The following CAMTA1 variants were observed in gnomAD, a reference collection of about 807,000 sequenced individuals.
The protein encoded by CAMTA1 is calmodulin-binding transcription activator 1.
CAMTA1 carries 27 observed loss-of-function variants against 170.9 expected under a neutral mutation model. That is an observed-to-expected ratio of 0.16 (90% CI 0.12 to 0.22). The LOEUF is 0.22. Ranked by LOEUF, CAMTA1 falls within the 10% of genes least tolerant of loss-of-function variation. The pLI is 1.00. For missense variants in CAMTA1, 1,619 were observed against 2,217.2 expected, an observed-to-expected ratio of 0.73 and a Z score of 5.42; for synonymous variants, 833 against 891.5, an observed-to-expected ratio of 0.93 and a Z score of 1.17.
At chr1:6,881,031 G>A (rs938737321) in intron 3 of CAMTA1, among the ~76,000 whole-genome samples, 1 of 152,148 alleles carries the variant, frequency 6.6e-6, no homozygotes, top group African/African-American at 2.4e-5. Flanking sequence ...AGTAGCTGCT[G>A]TCATTATCCC....
intron 3 of CAMTA1, among the ~76,000 whole-genome samples, chr1:7,027,357 C>T (rs1009392604): frequency 2.0e-5 from 3 of 152,046 alleles, no homozygotes; most frequent in African/African-American, 4.8e-5. Context: ...CAATTAAGGT[C>T]GAAGCCTGAA....
chr1:6,977,411 G>C (rs1693642686), intron 3 of CAMTA1, among the ~76,000 whole-genome samples: 1 of 151,970 alleles, frequency 6.6e-6, no homozygotes, highest in Non-Finnish European at 1.5e-5. Context: ...CGCAGTCTCG[G>C]CTCACTGCAA....
At position 7,555,318 on chromosome 1, in the gene CAMTA1, G is replaced by A. The variant is rs1038490823; in HGVS notation, c.511-85082G>A. Among the ~76,000 whole-genome samples the A allele has an allele frequency of 3.3e-5, 5 of 152,114 alleles. No homozygotes were observed. In the South Asian group the frequency reaches 1.0e-3, roughly 32 times the overall value. On this transcript the variant is annotated intron_variant, in intron 6 of 22. Transcript: ENST00000303635. The stretch of plus-strand genomic sequence containing the variant: ...CTCAAGCTTATTTGGGGGTGCATGT[G>A]GGTAGGACCCAGGAGGGCAGCTGGG...
At chr1:7,314,020 C>T (rs1677128806) in intron 5 of CAMTA1, among the ~76,000 whole-genome samples, 1 of 152,212 alleles carries the variant, frequency 6.6e-6, no homozygotes, top group African/African-American at 2.4e-5. Context: ...GGCCAGGCAA[C>T]CAACCCTAAA....
At chr1:7,090,065 G>A (rs10864273) in intron 3 of CAMTA1, among the ~76,000 whole-genome samples, 12,581 of 152,188 alleles carry the variant, frequency 0.083, 589 homozygotes, top group African/African-American at 0.12. Context: ...CCAGGCTTCC[G>A]GACAGAGGTG....
chr1:7,102,327 G>C (rs1642841491), intron 4 of CAMTA1, among the ~76,000 whole-genome samples: 2 of 152,116 alleles, frequency 1.3e-5, no homozygotes, highest in Non-Finnish European at 2.9e-5. Context: ...GGGAGGGGAG[G>C]GTCCTGCTCT....
chr1:7,731,769 C>T (rs932805438), intron 11 of CAMTA1, among the ~76,000 whole-genome samples: 3 of 151,500 alleles, frequency 2.0e-5, no homozygotes, highest in Admixed American at 1.3e-4. Flanking sequence ...TCCATCTGCT[C>T]GGGAGGCTGA....
intron 3 of CAMTA1, among the ~76,000 whole-genome samples, chr1:6,828,439 G>T (rs1284554427): frequency 6.6e-6 from 1 of 151,588 alleles, no homozygotes; most frequent in East Asian, 1.9e-4. Flanking sequence ...CTACAGGTGC[G>T]TGCCACCATG....
chr1:6,844,167 C>T (rs967747266), intron 3 of CAMTA1, among the ~76,000 whole-genome samples: 1 of 152,088 alleles, frequency 6.6e-6, no homozygotes, highest in Non-Finnish European at 1.5e-5. Flanking sequence ...ATTCTGTATA[C>T]AGGTTCAAAA....
rs777345650 is a variant in CAMTA1 at position 7,592,985 on chromosome 1, AG to A, written c.511-47414del. ...AGAGGCTTATTAAGGAATGTGTCCA[AG>A]TCCCACAGCATCTAGATGGTGGGAT... On this transcript the variant is annotated intron_variant, in intron 6 of 22. Coordinates refer to ENST00000303635, the MANE Select transcript of CAMTA1 (RefSeq NM_015215.4). The surrounding 1 kb of genome is among the most constrained non-coding windows in gnomAD (Gnocchi z 4.6). Among the ~76,000 whole-genome samples, 18 of 152,190 alleles carry A rather than the reference AG, an allele frequency of 1.2e-4. No homozygotes were observed. The highest frequency in any genetic ancestry group is 1.0e-4 in the Non-Finnish European group (7 of 68,026).
chr1:7,654,784 TACCCACACACCTATACACACACCCAC>T lies in CAMTA1; in HGVS notation c.665-6939_665-6914del, dbSNP rs1297466042. On this transcript the variant is annotated intron_variant, in intron 7 of 22. Transcript: ENST00000303635. ...ACACACCCACCTAAACACACACCTA[TACCCACACACCTATACACACACCCAC>T]ACACACCACACACACCCCTATACAC... Among the ~76,000 whole-genome samples, 123 of 110,242 alleles carry T rather than the reference TACCCACACACCTATACACACACCCAC, an allele frequency of 1.1e-3. 5 individuals are homozygous for T. Among genetic ancestry groups the T allele is most frequent in the Non-Finnish European group, 1.8e-3 (100 of 55,060 alleles). 72.3% of individuals were successfully genotyped at this position (110,242 alleles called of 152,430 possible). A position where few individuals can be genotyped will look rare whatever the true frequency, so the allele number is the denominator to read the frequency against.
chr1:7,672,874 G>T (rs1366506253), intron 10 of CAMTA1, among the ~76,000 whole-genome samples: 1 of 152,128 alleles, frequency 6.6e-6, no homozygotes, highest in East Asian at 1.9e-4. Context: ...CCCCCTGCTG[G>T]CCCAGCCCTC....
intron 3 of CAMTA1, among the ~76,000 whole-genome samples, chr1:6,849,126 G>GC (rs1659435956): frequency 6.6e-6 from 1 of 152,138 alleles, no homozygotes; most frequent in Non-Finnish European, 1.5e-5. Context: ...TGCTATAGTG[G>GC]CTTATTCTGG....
chr1:6,926,000 C>G (rs1187843597), intron 3 of CAMTA1, among the ~76,000 whole-genome samples: 2 of 152,232 alleles, frequency 1.3e-5, no homozygotes, highest in African/African-American at 4.8e-5. Context: ...TAATCTAAGT[C>G]ACAGCCACCA....
At chr1:6,893,138 C>T (rs909405741) in intron 3 of CAMTA1, among the ~76,000 whole-genome samples, 11 of 152,040 alleles carry the variant, frequency 7.2e-5, no homozygotes, top group African/African-American at 2.4e-4. Context: ...AAAAATTAGC[C>T]GGGCATGGTG....
chr1:7,197,679 A>G (rs1017820066), intron 4 of CAMTA1, among the ~76,000 whole-genome samples: 36 of 48,288 alleles, frequency 7.5e-4, no homozygotes, highest in Non-Finnish European at 1.8e-3. Flanking sequence ...CACACACACA[A>G]TCTACTTGCT....
In CAMTA1 at chr1:7,205,842, AT is replaced by A. The variant is rs573599856; in HGVS notation, c.303-43641del. ...TTTCTTCTAGTACTCGTATGGTTTC[AT>A]TTTTTTTCTTACATTTAATCTTTGA... On this transcript the variant is annotated intron_variant, in intron 4 of 22. Transcript: ENST00000303635. Among the ~76,000 whole-genome samples, 4 of 151,986 alleles carry A rather than the reference AT, an allele frequency of 2.6e-5. No homozygotes were observed. In the South Asian group the frequency reaches 6.2e-4, roughly 24 times the overall value.
intron 16 of CAMTA1, among the ~76,000 whole-genome samples, chr1:7,740,648 G>A (rs750005118): frequency 6.6e-6 from 1 of 152,202 alleles, no homozygotes; most frequent in Admixed American, 6.5e-5. Flanking sequence ...TCGGGCACTT[G>A]ATCAGCATGG....
chr1:7,733,032 G>GA (rs111993061), intron 12 of CAMTA1, among the ~76,000 whole-genome samples: 10 of 150,902 alleles, frequency 6.6e-5, no homozygotes, highest in South Asian at 4.2e-4. Context: ...TGTCTCTATA[G>GA]AAAAAAAAAA....
Sources: allele counts gnomAD v4.1 joint callset (sites outside exome capture counted in the v4.1 genomes callset), GRCh38; gene constraint gnomAD v4.1.1; non-coding constraint Gnocchi (gnomAD v3.1); transcripts MANE v1.5; gene names NCBI Gene and HGNC (gene_info 2026-07-23, HGNC 2026-07-21).